PARD3B: variants seen among roughly 807,000 people sequenced by gnomAD.
The protein encoded by PARD3B is par-3 family cell polarity regulator beta.
In PARD3B, 103 loss-of-function variants were observed where a neutral mutation model predicts 130.2. That is an observed-to-expected ratio of 0.79 (90% confidence interval 0.67 to 0.93). The LOEUF is 0.93. Ranked by LOEUF, PARD3B falls within the 40% of genes least tolerant of loss-of-function variation. The probability of loss-of-function intolerance (pLI) is 0.00; values close to 1 mark genes in which losing one functional copy is unlikely to be tolerated. For synonymous variants in PARD3B, 583 were observed against 553.2 expected (o/e 1.05, Z -0.76); for missense variants, 1,609 against 1,499.2 (o/e 1.07, Z -1.21).
chr2:204,888,917 A>G (rs553916701), intron 2 of PARD3B, among the ~76,000 whole-genome samples: 1 of 152,282 alleles, frequency 6.6e-6, no homozygotes, highest in South Asian at 2.1e-4. Context: ...TATATAAGCT[A>G]AAGAATTATA....
intron 1 of PARD3B, among the ~76,000 whole-genome samples, chr2:204,553,612 G>GTATATATATA (rs1559152140): frequency 2.3e-5 from 2 of 88,462 alleles, no homozygotes; most frequent in African/African-American, 4.4e-5. Context: ...GTATATATAT[G>GTATATATATA]GCTATATACA....
At chr2:204,930,887 T>C (rs1687978796) in intron 2 of PARD3B, among the ~76,000 whole-genome samples, 2 of 152,066 alleles carry the variant, frequency 1.3e-5, no homozygotes, top group African/African-American at 2.4e-5. Flanking sequence ...GCAGAACTTA[T>C]CTAAAAACCA....
intron 20 of PARD3B, among the ~76,000 whole-genome samples, chr2:205,457,861 G>T (rs1460015978): frequency 6.6e-6 from 1 of 152,046 alleles, no homozygotes; most frequent in Non-Finnish European, 1.5e-5. Flanking sequence ...GAAACTTTTT[G>T]AGCACTGACA....
At position 205,352,648 on chromosome 2, in the gene PARD3B, T is replaced by C. The variant is rs1332837943; in HGVS notation, c.2631-48365T>C. 6.6e-6 allele frequency among the ~76,000 whole-genome samples: 1 copy of C among 152,206 alleles called. No homozygotes were observed. Among genetic ancestry groups the C allele is most frequent in the African/African-American group, 2.4e-5 (1 of 41,458 alleles). ...CAGGCATCAAATGAAGCTCTTTTGA[T>C]GTGAGGTGTTGGAGATAAACAGGTA... is the stretch of plus-strand genomic sequence containing the variant. On this transcript the variant is annotated intron_variant, in intron 18 of 22. Coordinates refer to ENST00000406610, the MANE Select transcript of PARD3B (RefSeq NM_001302769.2). This position sits in a 1 kb window ranked among gnomAD's most constrained non-coding sequence, Gnocchi z 5.2.
intron 1 of PARD3B, among the ~76,000 whole-genome samples, chr2:204,550,402 G>A (rs542860799): frequency 5.9e-4 from 85 of 144,256 alleles, no homozygotes; most frequent in African/African-American, 1.6e-3. Flanking sequence ...GCATGGATGC[G>A]GAGGGCTGAC....
chr2:204,575,464 C>T (rs2032209325), intron 1 of PARD3B, among the ~76,000 whole-genome samples: 1 of 152,180 alleles, frequency 6.6e-6, no homozygotes, highest in Non-Finnish European at 1.5e-5. Context: ...AAATTATTGA[C>T]CCTCTGAAAC....
chr2:205,036,580 A>G (rs1697920749), intron 3 of PARD3B, among the ~76,000 whole-genome samples: 1 of 149,704 alleles, frequency 6.7e-6, no homozygotes, highest in South Asian at 2.1e-4. Flanking sequence ...TACAAAAAAT[A>G]TATATACACA....
In PARD3B at chr2:205,011,744, A is replaced by G. The variant is rs1264621695; in HGVS notation, c.395-35837A>G. Among the ~76,000 whole-genome samples the G allele has an allele frequency of 6.6e-6, 1 of 151,984 alleles. No individual in the cohort carries two copies. The highest frequency in any genetic ancestry group is 1.5e-5 in the Non-Finnish European group (1 of 67,990). On this transcript the variant is annotated intron_variant, in intron 3 of 22. Transcript: ENST00000406610. This position sits in a 1 kb window ranked among gnomAD's most constrained non-coding sequence, Gnocchi z 4.1. ...AGTGTTTAGGGAACCTAGCTTGGAA[A>G]TAAAGAAGGGGTCTCACCATTCAGT...
At position 205,186,407 on chromosome 2, in the gene PARD3B, T is replaced by C. The variant is rs2036100987; in HGVS notation, c.2024+544T>C. 2.0e-5 allele frequency among the ~76,000 whole-genome samples: 3 copies of C among 152,284 alleles called. No homozygotes were observed. In the South Asian group the frequency reaches 6.2e-4, roughly 32 times the overall value. Reference sequence around the variant, plus strand: ...TAGAATCACACAAGAATGAGAGAGATTTACTAAGCATACATACTATTTGAC... The same window carrying C: ...TAGAATCACACAAGAATGAGAGAGACTTACTAAGCATACATACTATTTGAC... On this transcript the variant is annotated intron_variant, in intron 14 of 22. Transcript: ENST00000406610.
At chr2:205,003,591 T>G (rs1424923464) in intron 3 of PARD3B, among the ~76,000 whole-genome samples, 2 of 152,194 alleles carry the variant, frequency 1.3e-5, no homozygotes, top group Admixed American at 1.3e-4. Context: ...TTTACTGAAT[T>G]GTAGCCCACA....
rs1426842504 is a variant in PARD3B, at chr2:204,799,056, G to A, written c.222+112774G>A. Among the ~76,000 whole-genome samples the A allele has an allele frequency of 1.3e-5, 2 of 152,102 alleles. No homozygotes were observed. Among genetic ancestry groups the A allele is most frequent in the Non-Finnish European group, 2.9e-5 (2 of 68,026 alleles). On this transcript the variant is annotated intron_variant, in intron 2 of 22. Coordinates refer to ENST00000406610, the MANE Select transcript of PARD3B (RefSeq NM_001302769.2). This position sits in a 1 kb window ranked among gnomAD's most constrained non-coding sequence, Gnocchi z 4.1. The stretch of plus-strand genomic sequence containing the variant: ...CTCACCAGCTCAGCCACAGCGAAGT[G>A]GAGCAGCAAATGGGGACCCTGAGTC...
chr2:205,516,017 A>G (rs1207949730), intron 21 of PARD3B, among the ~76,000 whole-genome samples: 2 of 152,110 alleles, frequency 1.3e-5, no homozygotes, highest in African/African-American at 4.8e-5. Context: ...GCATATGGCT[A>G]GCTAGTTATC....
At chr2:205,257,155 A>G (rs2040123508) in intron 16 of PARD3B, among the ~76,000 whole-genome samples, 1 of 152,174 alleles carries the variant, frequency 6.6e-6, no homozygotes, top group African/African-American at 2.4e-5. Flanking sequence ...GAAAACTTAA[A>G]GGAACCTAGA....
intron 11 of PARD3B, among the ~76,000 whole-genome samples, chr2:205,166,656 T>G (rs1407743592): frequency 1.3e-5 from 2 of 152,278 alleles, no homozygotes; most frequent in East Asian, 3.9e-4. Context: ...TTGGGTTTTT[T>G]GGGGGGTTTG....
intron 1 of PARD3B, among the ~76,000 whole-genome samples, chr2:204,596,917 ACTCTCT>A (rs560128486): frequency 3.2e-4 from 40 of 125,240 alleles, no homozygotes; most frequent in South Asian, 7.5e-4. Flanking sequence ...AAACTCACTC[ACTCTCT>A]CTCTCTCTCT....
At chr2:205,034,937 A>G (rs1361482666) in intron 3 of PARD3B, among the ~76,000 whole-genome samples, 2 of 151,994 alleles carry the variant, frequency 1.3e-5, no homozygotes, top group South Asian at 2.1e-4. Flanking sequence ...GCTTACTGCA[A>G]CCTCCGCCAC....
At chr2:205,173,126 A>C (rs535149620) in intron 12 of PARD3B, among the ~76,000 whole-genome samples, 46 of 152,314 alleles carry the variant, frequency 3.0e-4, no homozygotes, top group Admixed American at 2.9e-3. Context: ...ACATCAGCAA[A>C]TCACACATTT....
At chr2:205,398,928 G>A (rs2046135893) in intron 18 of PARD3B, among the ~76,000 whole-genome samples, 1 of 152,136 alleles carries the variant, frequency 6.6e-6, no homozygotes, top group Non-Finnish European at 1.5e-5. Context: ...TGTGTGCTGG[G>A]GCAGGGTTGG....
chr2:205,068,817 T>G (rs548857595), intron 4 of PARD3B, among the ~76,000 whole-genome samples: 1 of 152,162 alleles, frequency 6.6e-6, no homozygotes, highest in Non-Finnish European at 1.5e-5. Flanking sequence ...TATTTTAAAT[T>G]TTTTGAACAT....
Sources: allele counts gnomAD v4.1 joint callset (sites outside exome capture counted in the v4.1 genomes callset), GRCh38; gene constraint gnomAD v4.1.1; non-coding constraint Gnocchi (gnomAD v3.1); transcripts MANE v1.5; gene names NCBI Gene and HGNC (gene_info 2026-07-23, HGNC 2026-07-21).